The following VPS13A variants were observed in gnomAD, a reference collection of about 807,000 sequenced individuals.
VPS13A encodes the protein vacuolar protein sorting 13 homolog A.
A neutral mutation model predicts 390.9 loss-of-function variants in VPS13A; 264 were observed. That is an observed-to-expected ratio of 0.68 (90% CI 0.61 to 0.75). VPS13A has a LOEUF of 0.75. VPS13A is among the 30% of genes least tolerant of loss of function. The pLI is 0.00. For synonymous variants in VPS13A, 1,231 were observed against 1,227.1 expected (o/e 1.00, Z -0.07); for missense variants, 3,409 against 3,733.9 (o/e 0.91, Z 2.27).
chr9:77,193,364 TG>T (rs1481528638), intron 1 of VPS13A, among the ~76,000 whole-genome samples: 1 of 152,220 alleles, frequency 6.6e-6, no homozygotes, highest in Non-Finnish European at 1.5e-5. Context: ...CTGGGTACAG[TG>T]GCTCACACCT....
chr9:77,382,722 C>T (rs1833505863), intron 68 of VPS13A: 8 of 987,392 alleles, frequency 8.1e-6, no homozygotes, highest in Non-Finnish European at 9.6e-6. Context: ...TGGCCATGAC[C>T]CTCTTCCTGC....
Position 77,177,741 on chromosome 9 carries a change from C to G in VPS13A, c.37C>G (p.Arg13Gly). Residue 13 changes from arginine (R) to glycine (G), a missense_variant, in exon 1 of 72, where the codon CGG becomes GGG. Around this residue, in one of 5 missense-constraint regions of VPS13A, gnomAD observed 2,717 missense variants for 2,917.4 expected, o/e 0.93. Coordinates refer to ENST00000360280, the MANE Select transcript of VPS13A (RefSeq NM_033305.3). The stretch of plus-strand genomic sequence containing the variant: ...GTCGGTGGTCGTGGACGTGTTGAAC[C>G]GGTTCTTGGGGGACTATGTGGTGGA... ...FESVVVDVLN[R>G]FLGDYVVDLD... 1.2e-6 allele frequency: 2 copies of G among 1,613,446 alleles called. No individual in the cohort carries two copies. The highest frequency in any genetic ancestry group is 1.7e-6 in the Non-Finnish European group (2 of 1,179,664).
chr9:77,247,144 A>T, intron 19 of VPS13A, 115 bp from the exon 20 acceptor site: 1 of 933,934 alleles, frequency 1.1e-6, no homozygotes, highest in Non-Finnish European at 1.5e-6. Flanking sequence ...AGGTCATTTT[A>T]AAATTAATAC....
intron 41 of VPS13A, among the ~76,000 whole-genome samples, chr9:77,319,195 C>CAAA (rs5898533): frequency 0.039 from 4,766 of 123,360 alleles, 164 homozygotes; most frequent in African/African-American, 0.092. Context: ...GACCCAGACT[C>CAAA]AAAAAAAAAA....
At chr9:77,379,497 C>G (rs1409535003) in intron 67 of VPS13A, among the ~76,000 whole-genome samples, 1 of 152,094 alleles carries the variant, frequency 6.6e-6, no homozygotes, top group Non-Finnish European at 1.5e-5. Context: ...GCCTTGGCCT[C>G]CCGAAGTGCT....
At chr9:77,317,031 TTTTG>T (rs1181124385) in intron 39 of VPS13A, among the ~76,000 whole-genome samples, 3 of 152,114 alleles carry the variant, frequency 2.0e-5, no homozygotes, top group Middle Eastern at 3.4e-3. Context: ...AAGCATAAGT[TTTTG>T]TTTGTTTCTT....
At chr9:77,283,239 A>G (rs937615037) in intron 29 of VPS13A, 116 bp from the exon 30 acceptor site, 2 of 654,264 alleles carry the variant, frequency 3.1e-6, no homozygotes, top group South Asian at 3.8e-5. Flanking sequence ...TGAATTGCAG[A>G]TCAGGTTTTC....
intron 69 of VPS13A, among the ~76,000 whole-genome samples, chr9:77,403,756 T>A (rs1563994689): frequency 6.6e-6 from 1 of 152,148 alleles, no homozygotes; most frequent in Non-Finnish European, 1.5e-5. Flanking sequence ...TCCAGCGACT[T>A]CTTCAAGTAG....
Position 77,404,478 on chromosome 9 carries a change from CAT to C in VPS13A, c.9275+1158_9275+1159del, listed in dbSNP as rs556556849. 3.5e-4 allele frequency among the ~76,000 whole-genome samples: 54 copies of C among 152,302 alleles called. No individual in the cohort carries two copies. In the South Asian group the frequency reaches 8.3e-3, roughly 23 times the overall value. On this transcript the variant is annotated intron_variant, in intron 69 of 71. Transcript: ENST00000360280. ...CTAGACTTTTGTAATTAATTACAGA[CAT>C]TGCTTCAGCGATCATTTTTGCTCAT...
At chr9:77,409,812 C>G (rs1045872168) in intron 71 of VPS13A, among the ~76,000 whole-genome samples, 9 of 151,342 alleles carry the variant, frequency 5.9e-5, no homozygotes, top group Non-Finnish European at 7.4e-5. Flanking sequence ...ACCAAATCTA[C>G]GTCTGATTGT....
intron 51 of VPS13A, 107 bp downstream of exon 51, chr9:77,344,388 C>G: frequency 8.0e-7 from 1 of 1,246,470 alleles, no homozygotes; most frequent in Non-Finnish European, 1.1e-6. Context: ...TGATTTTTCC[C>G]CTTTCCCCAA....
At chr9:77,234,313 A>T (rs1824007412) in intron 17 of VPS13A, among the ~76,000 whole-genome samples, 1 of 152,174 alleles carries the variant, frequency 6.6e-6, no homozygotes, top group Admixed American at 6.5e-5. Context: ...AGTAGCTGGA[A>T]TTAAAGGTGT....
chr9:77,394,044 AG>A (rs1834015965), intron 68 of VPS13A, among the ~76,000 whole-genome samples: 1 of 151,918 alleles, frequency 6.6e-6, no homozygotes, highest in South Asian at 2.1e-4. Flanking sequence ...CTAGGATTAC[AG>A]GCATGAGCCA....
intron 22 of VPS13A, among the ~76,000 whole-genome samples, chr9:77,253,462 C>T (rs773161200): frequency 5.3e-5 from 8 of 152,122 alleles, no homozygotes; most frequent in Non-Finnish European, 5.9e-5. Context: ...CATGCCACCA[C>T]GCCCAGCTAA....
intron 68 of VPS13A, among the ~76,000 whole-genome samples, chr9:77,392,538 A>T (rs182560899): frequency 1.3e-5 from 2 of 152,216 alleles, no homozygotes; most frequent in East Asian, 3.9e-4. Flanking sequence ...GGGTTAGAAC[A>T]AATGAGGTAA....
intron 45 of VPS13A, among the ~76,000 whole-genome samples, chr9:77,328,618 TTGC>T (rs1217513094): frequency 2.0e-5 from 3 of 152,208 alleles, no homozygotes; most frequent in Non-Finnish European, 4.4e-5. Context: ...TCTGGATAAC[TTGC>T]TGCAGCCACT....
At chr9:77,256,832 T>G (rs1160147139) in intron 22 of VPS13A, among the ~76,000 whole-genome samples, 1 of 152,180 alleles carries the variant, frequency 6.6e-6, no homozygotes, top group Non-Finnish European at 1.5e-5. Flanking sequence ...TTGGTGATTA[T>G]TTGCATGGAA....
intron 23 of VPS13A, among the ~76,000 whole-genome samples, chr9:77,267,122 C>T (rs1587456234): frequency 6.6e-6 from 1 of 152,160 alleles, no homozygotes; most frequent in South Asian, 2.1e-4. Context: ...TGCTTTAGCT[C>T]AGAGGAGTTT....
rs933114774 is a variant in VPS13A at position 77,214,246 on chromosome 9, A to G, written c.697-83A>G. On this transcript the variant is annotated intron_variant, in intron 9 of 71. Coordinates refer to ENST00000360280, the MANE Select transcript of VPS13A (RefSeq NM_033305.3). ...AGCTGAGATTGCACCACTGCCCTCC[A>G]GCCTGGGTGACAGGGGGAGACTCCA... 29 of 1,223,488 alleles carry G rather than the reference A, an allele frequency of 2.4e-5. No homozygotes were observed. The Admixed American group carries it at 4.8e-4, about 20-fold the overall frequency. The allele number at this position is 1,223,488 out of a possible 1,614,324, so 75.8% of individuals were successfully genotyped here.
Sources: gnomAD v4.1 joint callset for allele counts (sites outside exome capture counted in the v4.1 genomes callset) on GRCh38, gnomAD v4.1.1 for gene constraint, gnomAD v4.1.1 regional missense constraint, MANE v1.5 for transcripts, NCBI Gene and HGNC (gene_info 2026-07-23, HGNC 2026-07-21) for gene names.